The following CDH11 variants were observed in gnomAD, a reference collection of about 807,000 sequenced individuals.
The protein encoded by CDH11 is cadherin-11.
Under a neutral mutation model 67.8 loss-of-function variants are expected in CDH11, and 11 were observed. The ratio of observed to expected loss-of-function variants is 0.16; its 90% CI spans 0.10 to 0.27. The LOEUF (loss-of-function observed/expected upper bound fraction) is 0.27. Ranked by LOEUF, CDH11 falls within the 10% of genes least tolerant of loss-of-function variation. The probability of loss-of-function intolerance (pLI) is 1.00; values close to 1 mark genes in which losing one functional copy is unlikely to be tolerated. For synonymous variants in CDH11, 419 were observed against 400.0 expected, an observed-to-expected ratio of 1.05 and a Z score of -0.57; for missense variants, 847 against 1,031.2, an observed-to-expected ratio of 0.82 and a Z score of 2.45.
At chr16:64,969,349 T>C (rs940623168) in intron 11 of CDH11, among the ~76,000 whole-genome samples, 5 of 152,174 alleles carry the variant, frequency 3.3e-5, no homozygotes, top group African/African-American at 1.2e-4. Flanking sequence ...AGGTGTCCCA[T>C]GATAAACAGT....
At chr16:65,065,677 T>C (rs2074301874) in intron 1 of CDH11, among the ~76,000 whole-genome samples, 1 of 152,172 alleles carries the variant, frequency 6.6e-6, no homozygotes, top group Non-Finnish European at 1.5e-5. Context: ...ACAGCATCAC[T>C]GGCCCACAGA....
rs61023131 is a variant in CDH11, at chr16:65,055,574, G to T, written c.-297-1646C>A. ...CATAGGTTCACAGCTGCAGACAAAT[G>T]TTGCCCCAGGATGAACAGTACTTTA... On this transcript the variant is annotated intron_variant, in intron 1 of 12. Coordinates refer to ENST00000268603, the MANE Select transcript of CDH11 (RefSeq NM_001797.4). Among the ~76,000 whole-genome samples, 1,197 of 152,276 alleles carry T rather than the reference G, an allele frequency of 7.9e-3. 17 individuals are homozygous for T. The highest frequency in any genetic ancestry group is 0.027 in the African/African-American group (1,116 of 41,566).
At chr16:65,052,819 G>C (rs1286863557) in intron 2 of CDH11, among the ~76,000 whole-genome samples, 1 of 152,174 alleles carries the variant, frequency 6.6e-6, no homozygotes, top group Non-Finnish European at 1.5e-5. Flanking sequence ...ACTTGCATTT[G>C]AACGGTGGCA....
intron 2 of CDH11, among the ~76,000 whole-genome samples, chr16:65,031,592 ATGAAAT>A (rs1158683573): frequency 6.6e-6 from 1 of 152,206 alleles, no homozygotes; most frequent in Non-Finnish European, 1.5e-5. Context: ...TATTTAAGAC[ATGAAAT>A]AAGATCCTAT....
In CDH11 at chr16:65,084,212, C is replaced by A. The variant is rs76734973; in HGVS notation, c.-297-30284G>T. 2.9e-3 allele frequency among the ~76,000 whole-genome samples: 444 copies of A among 152,268 alleles called. 1 individual carries two copies. Among genetic ancestry groups the A allele is most frequent in the African/African-American group, 0.011 (438 of 41,576 alleles). ...AATAAACGTAAAAGGTCTAAGGCCA[C>A]GTGTGATGGCTCACATCTCTAATCC... On this transcript the variant is annotated intron_variant, in intron 1 of 12. Transcript: ENST00000268603.
At chr16:65,083,563 A>T (rs2074647097) in intron 1 of CDH11, among the ~76,000 whole-genome samples, 1 of 152,256 alleles carries the variant, frequency 6.6e-6, no homozygotes, top group East Asian at 1.9e-4. Flanking sequence ...GCCAACTTAC[A>T]TGGGGCCTTT....
chr16:65,028,781 C>T (rs2073582878), intron 2 of CDH11, among the ~76,000 whole-genome samples: 1 of 152,148 alleles, frequency 6.6e-6, no homozygotes, highest in Non-Finnish European at 1.5e-5. Flanking sequence ...TATCCCACTA[C>T]ATGGATGAAC....
chr16:65,093,050 C>T (rs2074820260), intron 1 of CDH11, among the ~76,000 whole-genome samples: 2 of 151,246 alleles, frequency 1.3e-5, no homozygotes, highest in Non-Finnish European at 2.9e-5. Flanking sequence ...AATTCTCCTG[C>T]CTCAGCCTCC....
chr16:64,974,109 G>A lies in CDH11; in HGVS notation c.1254-1069C>T, dbSNP rs116960756. The stretch of plus-strand genomic sequence containing the variant: ...GTGGCAAAGTGAGGTGGGAGATGGC[G>A]GAAGAATGGCATTTACTGAGTTGTA... On this transcript the variant is annotated intron_variant, in intron 8 of 12. Coordinates refer to ENST00000268603, the MANE Select transcript of CDH11 (RefSeq NM_001797.4). Among the ~76,000 whole-genome samples the A allele has an allele frequency of 1.4e-4, 22 of 152,212 alleles. No homozygotes were observed. In the East Asian group the frequency reaches 3.7e-3, roughly 25 times the overall value.
At chr16:65,082,327 G>A (rs189705710) in intron 1 of CDH11, among the ~76,000 whole-genome samples, 2 of 152,302 alleles carry the variant, frequency 1.3e-5, no homozygotes, top group East Asian at 1.9e-4. Context: ...CTCACCATTG[G>A]ACTGGGTGGC....
intron 1 of CDH11, among the ~76,000 whole-genome samples, chr16:65,075,348 C>T (rs1380948279): frequency 3.3e-5 from 5 of 152,206 alleles, no homozygotes; most frequent in Non-Finnish European, 7.3e-5. Flanking sequence ...CAACACTGTC[C>T]TAAAGCCCGT....
chr16:64,962,650 T>G (rs2142401277), intron 11 of CDH11, among the ~76,000 whole-genome samples: 1 of 152,230 alleles, frequency 6.6e-6, no homozygotes, highest in African/African-American at 2.4e-5. Flanking sequence ...CAGTGAATAT[T>G]AGAGAAAAAT....
intron 2 of CDH11, among the ~76,000 whole-genome samples, chr16:65,012,007 T>C (rs144196069): frequency 6.6e-6 from 1 of 152,310 alleles, no homozygotes; most frequent in African/African-American, 2.4e-5. Context: ...TAGGCCTAGG[T>C]TGAACTCTGA....
In CDH11 at chr16:64,947,563, G is replaced by A. The variant is rs773369552; in HGVS notation, c.*40C>T. 68 of 1,572,326 alleles carry A rather than the reference G, an allele frequency of 4.3e-5. No homozygotes were observed. In the Middle Eastern group the frequency reaches 9.2e-4, roughly 21 times the overall value. On this transcript the variant is annotated 3_prime_UTR_variant, in exon 13 of 13. Transcript: ENST00000268603. The stretch of plus-strand genomic sequence containing the variant: ...ACACATCTTCTAGATTCTTGAGAAC[G>A]CCAGACACAGTTCTTAAGGCCAAAT...
At chr16:65,046,087 C>T (rs1029851551) in intron 2 of CDH11, among the ~76,000 whole-genome samples, 11 of 152,140 alleles carry the variant, frequency 7.2e-5, no homozygotes, top group African/African-American at 4.8e-5. Context: ...TATCCCTTTC[C>T]ATGTAACGCA....
At chr16:65,048,361 C>T (rs1270614998) in intron 2 of CDH11, among the ~76,000 whole-genome samples, 2 of 152,144 alleles carry the variant, frequency 1.3e-5, no homozygotes, top group Non-Finnish European at 2.9e-5. Context: ...GAAAATAGGG[C>T]TACCTTTCAG....
chr16:65,080,883 C>T (rs1010402071), intron 1 of CDH11, among the ~76,000 whole-genome samples: 1 of 152,116 alleles, frequency 6.6e-6, no homozygotes, highest in Non-Finnish European at 1.5e-5. Flanking sequence ...TCAAGATCTT[C>T]ATTAAGAAAG....
chr16:65,016,505 T>C (rs2073314090), intron 2 of CDH11, among the ~76,000 whole-genome samples: 1 of 152,210 alleles, frequency 6.6e-6, no homozygotes, highest in Non-Finnish European at 1.5e-5. Flanking sequence ...CTTAATTAGA[T>C]TTTCCATAAT....
intron 7 of CDH11, 179 bp downstream of exon 7, chr16:64,987,978 G>C (rs1158597635): frequency 2.0e-6 from 1 of 489,778 alleles, no homozygotes; most frequent in African/African-American, 2.0e-5. Context: ...CTTCTCTGCA[G>C]TAACAGAAAG....
Sources: allele counts gnomAD v4.1 joint callset (sites outside exome capture counted in the v4.1 genomes callset), GRCh38; gene constraint gnomAD v4.1.1; transcripts MANE v1.5; gene names NCBI Gene and HGNC (gene_info 2026-07-23, HGNC 2026-07-21).